Variants in PAK6 observed in about 807,000 individuals in gnomAD.
The protein encoded by PAK6 is serine/threonine-protein kinase PAK 6.
Under a neutral mutation model 60.8 loss-of-function variants are expected in PAK6, and 33 were observed. That is an observed-to-expected ratio of 0.54 (90% CI 0.41 to 0.73). The LOEUF is 0.73. Among genes scored for constraint, PAK6 ranks in the 30% least tolerant of loss-of-function variants. The pLI, the probability that PAK6 is intolerant of heterozygous loss-of-function variation, is 0.00. For missense variants in PAK6, 845 were observed against 904.1 expected, an observed-to-expected ratio of 0.93 and a Z score of 0.84; for synonymous variants, 404 against 378.5, an observed-to-expected ratio of 1.07 and a Z score of -0.78.
rs542450558 is a variant in PAK6, at chr15:40,276,024, T to C, written c.1976T>C (p.Leu659Pro). The C allele has an allele frequency of 2.5e-6, 4 of 1,612,694 alleles. No homozygotes were observed. The East Asian group carries it at 8.9e-5, about 36-fold the overall frequency. ...GAGCTCCTAGACCACCCCTTCCTGC[T>C]GCAGACAGGGCTACCTGAGTGCCTG... Residue 659 changes from leucine to proline, a missense_variant, in exon 11 of 11, where the codon CTG becomes CCG. Leu to Pro is a moderately conservative substitution (Grantham distance 98, BLOSUM62 -3). Transcript: ENST00000560346.
chr15:40,265,949 C>A (rs2039116462), exon 5 of PAK6: 7 of 1,606,196 alleles, frequency 4.4e-6, no homozygotes, highest in South Asian at 1.1e-5. Context: ...GTGGCCGCAG[C>A]CCCACCAGCC....
Position 40,264,993 on chromosome 15 carries a change from A to AG in PAK6, c.204+5dup. On this transcript the variant is annotated splice_donor_region_variant and intron_variant, in intron 4 of 10. Coordinates refer to ENST00000560346, the Ensembl canonical transcript of PAK6. ...GGTGCAGCTCCAGCCCATGAAGGTA[A>AG]GAGGGGCCGGCAGGGATGAGGTTCA... 1 of 1,612,158 alleles carries AG rather than the reference A, an allele frequency of 6.2e-7. No individual in the cohort carries two copies.
chr15:40,269,554 C>G (rs890477537), intron 5 of PAK6, among the ~76,000 whole-genome samples: 7 of 152,216 alleles, frequency 4.6e-5, no homozygotes, highest in Admixed American at 4.6e-4. Context: ...GTCGTGTCCC[C>G]CTTTCCCTTT....
intron 2 of PAK6, among the ~76,000 whole-genome samples, chr15:40,244,748 C>T (rs961220928): frequency 6.6e-6 from 1 of 152,032 alleles, no homozygotes; most frequent in Non-Finnish European, 1.5e-5. Context: ...AAAGGTAATC[C>T]TAAAGCTTAT....
intron 2 of PAK6, among the ~76,000 whole-genome samples, chr15:40,242,940 T>G (rs2038396887): frequency 6.6e-6 from 1 of 152,104 alleles, no homozygotes; most frequent in Non-Finnish European, 1.5e-5. Context: ...ACAGAGCTCT[T>G]GCCCTGGGGA....
At chr15:40,263,993 G>A (rs2039052642) in intron 3 of PAK6, 2 of 455,382 alleles carry the variant, frequency 4.4e-6, no homozygotes, top group African/African-American at 2.0e-5. Flanking sequence ...GCCTTCTCTG[G>A]AGAGCTTTAC....
At chr15:40,240,937 G>A (rs1326074924) in intron 2 of PAK6, among the ~76,000 whole-genome samples, 5 of 152,152 alleles carry the variant, frequency 3.3e-5, no homozygotes, top group African/African-American at 9.7e-5. Flanking sequence ...CCCCAGCTGG[G>A]CCAAGCCAGT....
At chr15:40,274,548 G>A (rs946425401) in intron 10 of PAK6, among the ~76,000 whole-genome samples, 13 of 152,266 alleles carry the variant, frequency 8.5e-5, no homozygotes, top group South Asian at 4.1e-4. Context: ...GGCACTGGTC[G>A]GAAGCCCAGT....
exon 6 of PAK6, chr15:40,272,240 G>C: frequency 6.2e-7 from 1 of 1,608,120 alleles, no homozygotes; most frequent in Non-Finnish European, 8.5e-7. Context: ...TCCTCTTTCC[G>C]ACCGCCGCAG....
exon 5 of PAK6, chr15:40,266,021 G>C: frequency 6.2e-7 from 1 of 1,602,130 alleles, no homozygotes; most frequent in Non-Finnish European, 8.5e-7. Context: ...ACCCAGACAT[G>C]TACCTCCAGA....
intron 10 of PAK6, among the ~76,000 whole-genome samples, chr15:40,275,085 C>T (rs1232050379): frequency 6.6e-6 from 1 of 152,112 alleles, no homozygotes; most frequent in Non-Finnish European, 1.5e-5. Flanking sequence ...TTGGCTAATT[C>T]CTCAGAGGAT....
intron 3 of PAK6, 133 bp downstream of exon 3, chr15:40,253,422 G>T: frequency 2.7e-6 from 1 of 367,732 alleles, no homozygotes; most frequent in South Asian, 2.0e-5. Context: ...AGCGGAGGTG[G>T]TCCCTTCCAG....
At chr15:40,276,687 T>C (rs1228922736) in exon 11 of PAK6, 1 of 151,078 alleles carries the variant, frequency 6.6e-6, no homozygotes, top group Non-Finnish European at 1.5e-5. Flanking sequence ...AATTTCTGAG[T>C]GAAAGAGAAA....
At chr15:40,248,900 G>A (rs997299006) in intron 2 of PAK6, among the ~76,000 whole-genome samples, 1 of 152,204 alleles carries the variant, frequency 6.6e-6, no homozygotes, top group Non-Finnish European at 1.5e-5. Context: ...CCAGCTTTGG[G>A]GTCGGATACA....
At chr15:40,241,520 C>T (rs1000019926) in intron 2 of PAK6, among the ~76,000 whole-genome samples, 1 of 152,140 alleles carries the variant, frequency 6.6e-6, no homozygotes, top group Non-Finnish European at 1.5e-5. Flanking sequence ...AGGCAGGCTT[C>T]CCTGGCGGTT....
exon 5 of PAK6, chr15:40,265,871 G>A (rs755671305): frequency 6.2e-5 from 97 of 1,554,206 alleles, no homozygotes; most frequent in Non-Finnish European, 8.5e-5. Context: ...CGATGCCTGT[G>A]GATGGCTACA....
intron 3 of PAK6, among the ~76,000 whole-genome samples, chr15:40,255,307 A>G (rs959456323): frequency 4.6e-5 from 7 of 152,198 alleles, no homozygotes; most frequent in African/African-American, 1.7e-4. Flanking sequence ...CTGGGGATTC[A>G]CTGGGGCCAG....
chr15:40,273,624 C>G (rs1413012313), exon 9 of PAK6: 1 of 1,614,092 alleles, frequency 6.2e-7, no homozygotes, highest in Admixed American at 1.7e-5. Context: ...CTGGTGGGAA[C>G]CCCCTACTGG....
At chr15:40,243,340 G>C (rs1287527157) in intron 2 of PAK6, among the ~76,000 whole-genome samples, 3 of 152,178 alleles carry the variant, frequency 2.0e-5, no homozygotes, top group Non-Finnish European at 2.9e-5. Flanking sequence ...ATGAGCCTCA[G>C]GCCCGGTGCT....
Sources: gnomAD v4.1 joint callset for allele counts (sites outside exome capture counted in the v4.1 genomes callset) on GRCh38, gnomAD v4.1.1 for gene constraint, MANE v1.5 for transcripts, NCBI Gene and HGNC (gene_info 2026-07-23, HGNC 2026-07-21) for gene names.